PPP3CA: variants seen among roughly 807,000 people sequenced by gnomAD.
PPP3CA encodes the protein protein phosphatase 3 catalytic subunit alpha.
In PPP3CA, 14 loss-of-function variants were observed where a neutral mutation model predicts 66.5. The observed-to-expected ratio is 0.21, with a 90% CI of 0.14 to 0.33. The LOEUF (loss-of-function observed/expected upper bound fraction) is 0.33. PPP3CA is among the 10% of genes least tolerant of loss of function. The pLI is 1.00. For missense variants in PPP3CA, 317 were observed against 639.5 expected (o/e 0.50, Z 5.44); for synonymous variants, 232 against 226.2 (o/e 1.03, Z -0.23).
rs1727584049 is a variant in PPP3CA, at chr4:101,278,590, T to C, written c.58+68149A>G. ...GTGGAATATTAACTTCATTGTGTCCTGAAAAACAACTGATCATGAAGGCCA... is the reference window on the plus strand; with the variant it reads ...GTGGAATATTAACTTCATTGTGTCCCGAAAAACAACTGATCATGAAGGCCA... On this transcript the variant is annotated intron_variant, in intron 1 of 13. Transcript: ENST00000394854. Among the ~76,000 whole-genome samples, 8 of 152,202 alleles carry C rather than the reference T, an allele frequency of 5.3e-5. No individual in the cohort carries two copies. The South Asian group carries it at 6.2e-4, about 12-fold the overall frequency.
rs1238745459 is a variant in PPP3CA at position 101,316,470 on chromosome 4, G to GT, written c.58+30268dup. Among the ~76,000 whole-genome samples the GT allele has an allele frequency of 7.2e-5, 11 of 152,068 alleles. No individual in the cohort carries two copies. In the East Asian group the frequency reaches 1.9e-3, roughly 27 times the overall value. ...TACATTATAAAGAATTACTGTTTCTGTCAGACAAACTCGGGTGGGATTTGT... is the reference window on the plus strand; with the variant it reads ...TACATTATAAAGAATTACTGTTTCTGTTCAGACAAACTCGGGTGGGATTTGT... On this transcript the variant is annotated intron_variant, in intron 1 of 13. Transcript: ENST00000394854.
At chr4:101,343,056 C>T (rs922269373) in intron 1 of PPP3CA, among the ~76,000 whole-genome samples, 6 of 152,120 alleles carry the variant, frequency 3.9e-5, no homozygotes, top group Non-Finnish European at 8.8e-5. Context: ...AGCAACCTTA[C>T]ACAAAGCACA....
intron 1 of PPP3CA, among the ~76,000 whole-genome samples, chr4:101,282,923 C>G (rs1411041615): frequency 6.6e-6 from 1 of 152,172 alleles, no homozygotes; most frequent in Non-Finnish European, 1.5e-5. Flanking sequence ...AAATGCCTTT[C>G]TTTTCTATCT....
chr4:101,156,340 A>G (rs992382336), intron 2 of PPP3CA, among the ~76,000 whole-genome samples: 15 of 152,218 alleles, frequency 9.9e-5, no homozygotes, highest in Admixed American at 5.9e-4. Context: ...ATAAGATTTG[A>G]AAGCTATTCT....
intron 1 of PPP3CA, among the ~76,000 whole-genome samples, chr4:101,310,298 C>T (rs1288648887): frequency 6.6e-6 from 1 of 152,160 alleles, no homozygotes; most frequent in Non-Finnish European, 1.5e-5. Flanking sequence ...ATCAACTTGA[C>T]TCACAGATAT....
intron 2 of PPP3CA, among the ~76,000 whole-genome samples, chr4:101,109,933 A>G (rs1721614350): frequency 6.6e-6 from 1 of 152,174 alleles, no homozygotes; most frequent in South Asian, 2.1e-4. Flanking sequence ...TTATACAGAT[A>G]ATGAAATAAT....
chr4:101,234,499 T>G (rs1006191033), intron 1 of PPP3CA, among the ~76,000 whole-genome samples: 2 of 151,926 alleles, frequency 1.3e-5, no homozygotes, highest in African/African-American at 4.8e-5. Context: ...TATTGAGCTT[T>G]TTTTCATATG....
chr4:101,279,676 T>A (rs554604567), intron 1 of PPP3CA, among the ~76,000 whole-genome samples: 77 of 152,296 alleles, frequency 5.1e-4, no homozygotes, highest in African/African-American at 1.8e-3. Context: ...GCCAATGACA[T>A]CACCACAGGC....
At chr4:101,223,047 T>C (rs991204449) in intron 1 of PPP3CA, among the ~76,000 whole-genome samples, 1 of 151,808 alleles carries the variant, frequency 6.6e-6, no homozygotes, top group Admixed American at 6.6e-5. Context: ...GTGAAAGGTC[T>C]ACTTAGGTCT....
At chr4:101,261,740 G>C (rs1727015976) in intron 1 of PPP3CA, among the ~76,000 whole-genome samples, 1 of 151,950 alleles carries the variant, frequency 6.6e-6, no homozygotes, top group South Asian at 2.1e-4. Flanking sequence ...TTAACTGTGA[G>C]CTCTGCAAAT....
chr4:101,243,408 T>C (rs1306541531), intron 1 of PPP3CA, among the ~76,000 whole-genome samples: 1 of 152,116 alleles, frequency 6.6e-6, no homozygotes, highest in Non-Finnish European at 1.5e-5. Flanking sequence ...TGGAAATAAG[T>C]ACAGTTGACT....
chr4:101,273,555 G>T (rs377231448), intron 1 of PPP3CA, among the ~76,000 whole-genome samples: 1 of 152,164 alleles, frequency 6.6e-6, no homozygotes, highest in Non-Finnish European at 1.5e-5. Context: ...TCGAACTCCT[G>T]ACCTTGTGAT....
At chr4:101,193,833 C>A (rs1338521187) in intron 2 of PPP3CA, among the ~76,000 whole-genome samples, 1 of 152,166 alleles carries the variant, frequency 6.6e-6, no homozygotes, top group Non-Finnish European at 1.5e-5. Flanking sequence ...TTTCCAATAA[C>A]TAGGACATTA....
chr4:101,183,126 C>T (rs1724296044), intron 2 of PPP3CA, among the ~76,000 whole-genome samples: 1 of 152,062 alleles, frequency 6.6e-6, no homozygotes, highest in Non-Finnish European at 1.5e-5. Flanking sequence ...GTGATAAAAG[C>T]TTATTTCTTT....
At position 101,088,004 on chromosome 4, in the gene PPP3CA, G is replaced by A. The variant is rs967294824; in HGVS notation, c.783-4741C>T. 5.3e-5 allele frequency among the ~76,000 whole-genome samples: 8 copies of A among 152,248 alleles called. 1 individual carries two copies. The South Asian group carries it at 1.7e-3, about 32-fold the overall frequency. On this transcript the variant is annotated intron_variant, in intron 6 of 13. Transcript: ENST00000394854. ...TTCCCCAATGACTCTGGTTGGATAT[G>A]TTCTACTAATCCTTTAAAACTCAGG... is the stretch of plus-strand genomic sequence containing the variant.
chr4:101,322,563 A>C (rs1729074374), intron 1 of PPP3CA, among the ~76,000 whole-genome samples: 1 of 152,014 alleles, frequency 6.6e-6, no homozygotes, highest in Non-Finnish European at 1.5e-5. Flanking sequence ...GATGTGCACT[A>C]AACACCCGGC....
chr4:101,300,956 A>C (rs1395707280), intron 1 of PPP3CA, among the ~76,000 whole-genome samples: 1 of 152,202 alleles, frequency 6.6e-6, no homozygotes, highest in African/African-American at 2.4e-5. Flanking sequence ...ACCAAAAAAT[A>C]ATAATGAAAA....
chr4:101,343,414 A>T (rs1484534765), intron 1 of PPP3CA, among the ~76,000 whole-genome samples: 1 of 152,204 alleles, frequency 6.6e-6, no homozygotes, highest in African/African-American at 2.4e-5. Flanking sequence ...AGGCCTGTAG[A>T]GTATCACTAA....
intron 2 of PPP3CA, among the ~76,000 whole-genome samples, chr4:101,124,045 C>A (rs1019462123): frequency 6.6e-6 from 1 of 152,102 alleles, no homozygotes; most frequent in Non-Finnish European, 1.5e-5. Context: ...TAGAACTATC[C>A]CCTTAATAAA....
Sources: allele counts gnomAD v4.1 joint callset (sites outside exome capture counted in the v4.1 genomes callset), GRCh38; gene constraint gnomAD v4.1.1; transcripts MANE v1.5; gene names NCBI Gene and HGNC (gene_info 2026-07-23, HGNC 2026-07-21).